The following GPM6A variants were observed in gnomAD, a reference collection of about 807,000 sequenced individuals.
GPM6A encodes the protein neuronal membrane glycoprotein M6-a.
In GPM6A, 7 loss-of-function variants were observed where a neutral mutation model predicts 32.1. That is an observed-to-expected ratio of 0.22 (90% CI 0.12 to 0.41). GPM6A has a LOEUF of 0.41. Ranked by LOEUF, GPM6A falls within the 10% of genes least tolerant of loss-of-function variation. The pLI is 1.00. For missense variants in GPM6A, 235 were observed against 347.2 expected (o/e 0.68, Z 2.57); for synonymous variants, 130 against 123.4 (o/e 1.05, Z -0.35).
chr4:175,747,284 A>T (rs80012018), intron 1 of GPM6A, among the ~76,000 whole-genome samples: 32,627 of 151,062 alleles, frequency 0.22, 3,879 homozygotes, highest in East Asian at 0.25. Flanking sequence ...AAAAAAAAAA[A>T]AAAAAAAGAA....
In GPM6A at chr4:175,921,501, T is replaced by C. The variant is rs1234833593; in HGVS notation, c.-23+80808A>G. Among the ~76,000 whole-genome samples, 7 of 132,070 alleles carry C rather than the reference T, an allele frequency of 5.3e-5. 1 individual carries two copies. The highest frequency in any genetic ancestry group is 1.2e-4 in the African/African-American group (5 of 40,150). 86.6% of individuals were successfully genotyped at this position (132,070 alleles called of 152,430 possible). A position where few individuals can be genotyped will look rare whatever the true frequency, so the allele number is the denominator to read the frequency against. ...GCATGATCCTGCCAAAAAAAAATCA[T>C]GGACCATCATTCCCAAAGAAAAAAA... On this transcript the variant is annotated intron_variant, in intron 1 of 7. Transcript: ENST00000280187.
chr4:175,913,330 T>C (rs1031236255), intron 1 of GPM6A, among the ~76,000 whole-genome samples: 2 of 152,236 alleles, frequency 1.3e-5, no homozygotes, highest in Non-Finnish European at 2.9e-5. Context: ...TTAATACTTA[T>C]ATATGGAACA....
chr4:175,876,290 C>A (rs775078982), intron 1 of GPM6A, among the ~76,000 whole-genome samples: 1 of 152,146 alleles, frequency 6.6e-6, no homozygotes, highest in African/African-American at 2.4e-5. Flanking sequence ...AGAATACTGA[C>A]CCCCTACCAG....
At chr4:175,842,282 A>AAT (rs1345366167) in intron 1 of GPM6A, among the ~76,000 whole-genome samples, 1 of 152,088 alleles carries the variant, frequency 6.6e-6, no homozygotes, top group Admixed American at 6.6e-5. Context: ...TATTTTAAAC[A>AAT]ATATATATAT....
At chr4:175,673,316 G>C (rs959767644) in intron 3 of GPM6A, among the ~76,000 whole-genome samples, 1 of 151,878 alleles carries the variant, frequency 6.6e-6, no homozygotes, top group Non-Finnish European at 1.5e-5. Context: ...GTAAAATACA[G>C]AGACATATGT....
At chr4:175,863,746 A>C (rs1421014711) in intron 1 of GPM6A, among the ~76,000 whole-genome samples, 1 of 152,222 alleles carries the variant, frequency 6.6e-6, no homozygotes, top group Non-Finnish European at 1.5e-5. Flanking sequence ...TCACATCTGT[A>C]ATCCCAATAC....
chr4:175,866,468 T>C (rs1000219505), intron 1 of GPM6A, among the ~76,000 whole-genome samples: 5 of 152,188 alleles, frequency 3.3e-5, no homozygotes, highest in African/African-American at 1.2e-4. Flanking sequence ...ATATTTTTAC[T>C]ATCACCATTC....
intron 1 of GPM6A, among the ~76,000 whole-genome samples, chr4:175,735,703 G>T (rs1731631121): frequency 6.6e-6 from 1 of 152,044 alleles, no homozygotes; most frequent in Admixed American, 6.6e-5. Context: ...GGGATTACAG[G>T]CGTGTGCCAC....
chr4:175,885,891 T>C (rs949176403), intron 1 of GPM6A, among the ~76,000 whole-genome samples: 6 of 152,198 alleles, frequency 3.9e-5, no homozygotes, highest in Admixed American at 1.3e-4. Flanking sequence ...ACAGTCTTAA[T>C]AAATCTATGA....
chr4:175,644,116 C>T (rs1014976343), intron 4 of GPM6A, among the ~76,000 whole-genome samples: 1 of 141,388 alleles, frequency 7.1e-6, no homozygotes, highest in Admixed American at 7.5e-5. Context: ...AAAACTTTTC[C>T]GTTTGTTTTT....
At chr4:175,967,873 A>G (rs1237648496) in intron 1 of GPM6A, among the ~76,000 whole-genome samples, 2 of 152,168 alleles carry the variant, frequency 1.3e-5, no homozygotes, top group Admixed American at 1.3e-4. Flanking sequence ...TGTAATCCCA[A>G]TCTAAATCTC....
At chr4:175,798,018 C>G (rs1034448104) in intron 1 of GPM6A, among the ~76,000 whole-genome samples, 1 of 152,106 alleles carries the variant, frequency 6.6e-6, no homozygotes, top group Non-Finnish European at 1.5e-5. Flanking sequence ...TCCATACTCA[C>G]CGAATCAGAA....
At chr4:175,722,785 T>A (rs74745731) in intron 1 of GPM6A, among the ~76,000 whole-genome samples, 6,512 of 152,234 alleles carry the variant, frequency 0.043, 183 homozygotes, top group Non-Finnish European at 0.064. Flanking sequence ...GGCTCATACC[T>A]GTAATCCCAG....
chr4:175,938,556 G>A (rs1739311148), intron 1 of GPM6A, among the ~76,000 whole-genome samples: 1 of 152,024 alleles, frequency 6.6e-6, no homozygotes, highest in South Asian at 2.1e-4. Flanking sequence ...CTTCTTTTGA[G>A]AAGTGTCTGT....
chr4:175,756,913 T>C (rs959759189), intron 1 of GPM6A, among the ~76,000 whole-genome samples: 1 of 152,024 alleles, frequency 6.6e-6, no homozygotes, highest in South Asian at 2.1e-4. Context: ...AGAATATTAG[T>C]TATCTTATGA....
chr4:175,748,040 T>C (rs1243747905), intron 1 of GPM6A, among the ~76,000 whole-genome samples: 1 of 152,212 alleles, frequency 6.6e-6, no homozygotes, highest in East Asian at 1.9e-4. Context: ...TCAAATTTTA[T>C]CGTGAGATTG....
At chr4:175,860,484 A>G (rs1301099449) in intron 1 of GPM6A, among the ~76,000 whole-genome samples, 1 of 152,210 alleles carries the variant, frequency 6.6e-6, no homozygotes, top group African/African-American at 2.4e-5. Flanking sequence ...ACAAATTACC[A>G]AAATTCACTC....
At chr4:175,688,688 G>T (rs905408580) in intron 2 of GPM6A, among the ~76,000 whole-genome samples, 3 of 152,042 alleles carry the variant, frequency 2.0e-5, no homozygotes, top group Non-Finnish European at 4.4e-5. Flanking sequence ...AAAATTTGAG[G>T]CAATGGGTAT....
At chr4:175,936,242 C>A (rs1320787791) in intron 1 of GPM6A, among the ~76,000 whole-genome samples, 2 of 122,936 alleles carry the variant, frequency 1.6e-5, no homozygotes, top group African/African-American at 3.2e-5. Context: ...GGAGGCAGAG[C>A]TTGCAGTGAG....
Sources: allele counts gnomAD v4.1 joint callset (sites outside exome capture counted in the v4.1 genomes callset), GRCh38; gene constraint gnomAD v4.1.1; transcripts MANE v1.5; gene names NCBI Gene and HGNC (gene_info 2026-07-23, HGNC 2026-07-21).